The following CTSZ variants were observed in gnomAD, a reference collection of about 807,000 sequenced individuals.
CTSZ encodes the protein carboxypeptidase LB.
In CTSZ, 39 loss-of-function variants were observed where a neutral mutation model predicts 32.4. That is an observed-to-expected ratio of 1.20 (90% CI 0.93 to 1.57). The LOEUF is 1.57. Ranked by LOEUF, CTSZ falls within the 40% of genes most tolerant of loss-of-function variation. The pLI is 0.00. For missense variants in CTSZ, 397 were observed against 419.6 expected (o/e 0.95, Z 0.47); for synonymous variants, 168 against 170.1 (o/e 0.99, Z 0.10).
Position 58,997,716 on chromosome 20 carries a change from T to C in CTSZ, c.525A>G (p.Glu175=), listed in dbSNP as rs773422032. Residue 175 remains glutamate (E), a synonymous_variant, in exon 4 of 6, where the codon GAA becomes GAG. Coordinates refer to ENST00000217131, the MANE Select transcript of CTSZ (RefSeq NM_001336.4). The part of the protein sequence containing the change: ...DKFNQCGTCN[E]FKECHAIRNY... ...TCCGGATGGCGTGGCACTCTTTGAATTCATTGCATGTCCCACATTGGTTAA... is the reference window on the plus strand; with the variant it reads ...TCCGGATGGCGTGGCACTCTTTGAACTCATTGCATGTCCCACATTGGTTAA... 56 of 1,608,822 alleles carry C rather than the reference T, an allele frequency of 3.5e-5. No homozygotes were observed. The highest frequency in any genetic ancestry group is 4.8e-5 in the Non-Finnish European group (56 of 1,177,584).
intron 3 of CTSZ, among the ~76,000 whole-genome samples, chr20:58,998,483 T>G (rs2091871639): frequency 6.7e-6 from 1 of 148,284 alleles, no homozygotes; most frequent in African/African-American, 2.5e-5. Context: ...GAGGCAGAGG[T>G]TGCAGTGAGC....
rs937572836 is a variant in CTSZ at position 59,004,230 on chromosome 20, G to A, written c.307+2092C>T. The stretch of plus-strand genomic sequence containing the variant: ...CTGAGGCTGGAGGTGTCAGGTGACC[G>A]GGACAGCGGGCGAGTGGGCAGGTGG... On this transcript the variant is annotated intron_variant, in intron 2 of 5. Coordinates refer to ENST00000217131, the MANE Select transcript of CTSZ (RefSeq NM_001336.4). This position sits in a 1 kb window ranked among gnomAD's most constrained non-coding sequence, Gnocchi z 5.6. Among the ~76,000 whole-genome samples the A allele has an allele frequency of 2.6e-5, 4 of 152,020 alleles. No individual in the cohort carries two copies. Among genetic ancestry groups the A allele is most frequent in the Admixed American group, 1.3e-4 (2 of 15,270 alleles).
At chr20:59,005,027 C>T (rs533688019) in intron 2 of CTSZ, among the ~76,000 whole-genome samples, 5 of 152,220 alleles carry the variant, frequency 3.3e-5, no homozygotes, top group African/African-American at 4.8e-5. Context: ...CCCTCACCCT[C>T]ACCCCACCCT....
At chr20:59,006,059 T>C (rs1189082939) in intron 2 of CTSZ, 2 of 512,218 alleles carry the variant, frequency 3.9e-6, no homozygotes, top group East Asian at 6.2e-5. Context: ...GTCACAAGCT[T>C]TGGGGGAGAG....
At chr20:58,998,473 G>A (rs2091871554) in intron 3 of CTSZ, among the ~76,000 whole-genome samples, 1 of 151,726 alleles carries the variant, frequency 6.6e-6, no homozygotes, top group Non-Finnish European at 1.5e-5. Flanking sequence ...TTGAACCCGG[G>A]AGGCAGAGGT....
At position 59,007,031 on chromosome 20, in the gene CTSZ, C is replaced by G. The variant is rs1380677685; in HGVS notation, c.98G>C (p.Cys33Ser). The G allele has an allele frequency of 6.8e-7, 1 of 1,472,656 alleles. No homozygotes were observed. Among genetic ancestry groups the G allele is most frequent in the African/African-American group, 1.5e-5 (1 of 68,062 alleles). 91.2% of individuals were successfully genotyped at this position (1,472,656 alleles called of 1,614,324 possible). A position where few individuals can be genotyped will look rare whatever the true frequency, so the allele number is the denominator to read the frequency against. Residue 33 changes from cysteine (C) to serine (S), a missense_variant, in exon 1 of 6, where the codon TGC becomes TCC. Cys to Ser is a moderately radical substitution (Grantham distance 112). Coordinates refer to ENST00000217131, the MANE Select transcript of CTSZ (RefSeq NM_001336.4). Reference protein sequence around the residue: ...GGLYFRRGQTCYRPLRGDGLA... With the variant: ...GGLYFRRGQTSYRPLRGDGLA... The stretch of plus-strand genomic sequence containing the variant: ...CCCGTCCCCCCGCAGAGGCCGGTAG[C>G]AGGTCTGTCCCCGGCGGAAGTAGAG...
intron 2 of CTSZ, 53 bp from the exon 3 acceptor site, chr20:59,001,697 C>A: frequency 6.4e-7 from 1 of 1,574,078 alleles, no homozygotes; most frequent in Non-Finnish European, 8.7e-7. Context: ...CACCCACTTC[C>A]CCGAACGGAC....
chr20:59,001,524 T>C lies in CTSZ; in HGVS notation c.428A>G (p.Tyr143Cys). The change falls in exon 3 of 6, where the codon TAC becomes TGC. Residue 143 changes from tyrosine (Y) to cysteine (C), a missense_variant. By Grantham distance (194) the Tyr-to-Cys change is radical. Transcript: ENST00000217131. ...EGGNDLSVWD[Y>C]AHQHGIPDET... ...GTCAGGGATGCCGTGCTGGTGGGCG[T>C]AGTCCCACACGGACAGGTCATTACC... The C allele has an allele frequency of 6.2e-7, 1 of 1,614,028 alleles. No homozygotes were observed.
At position 58,995,779 on chromosome 20, in the gene CTSZ, G is replaced by A. The variant is rs376895957; in HGVS notation, c.802-20C>T. ...CTCGCCCTGTGAGAAGTGGGATCGCGCGTCAGCCCATCTGCAGCCGTCTCC... is the reference window on the plus strand; with the variant it reads ...CTCGCCCTGTGAGAAGTGGGATCGCACGTCAGCCCATCTGCAGCCGTCTCC... On this transcript the variant is annotated intron_variant, in intron 5 of 5. Coordinates refer to ENST00000217131, the MANE Select transcript of CTSZ (RefSeq NM_001336.4). 11 of 1,608,068 alleles carry A rather than the reference G, an allele frequency of 6.8e-6. No homozygotes were observed. Among genetic ancestry groups the A allele is most frequent in the South Asian group, 1.1e-5 (1 of 90,962 alleles).
intron 4 of CTSZ, among the ~76,000 whole-genome samples, chr20:58,997,216 CAGGT>C (rs2091865343): frequency 6.6e-6 from 1 of 150,816 alleles, no homozygotes; most frequent in African/African-American, 2.4e-5. Flanking sequence ...AAACCCGACT[CAGGT>C]AGTGTATATC....
intron 2 of CTSZ, chr20:59,005,917 A>G (rs1379851316): frequency 1.1e-5 from 2 of 182,378 alleles, no homozygotes; most frequent in Non-Finnish European, 2.3e-5. Flanking sequence ...GCTGTAGCCA[A>G]CTAGCCTCAC....
chr20:58,999,715 T>C (rs750201350), intron 3 of CTSZ, among the ~76,000 whole-genome samples: 2 of 152,222 alleles, frequency 1.3e-5, no homozygotes, highest in Non-Finnish European at 2.9e-5. Context: ...AGCAAGCAGC[T>C]GCTGGGCTTT....
At chr20:59,006,899 C>T in intron 1 of CTSZ, 87 bp downstream of exon 1, 2 of 1,185,582 alleles carry the variant, frequency 1.7e-6, no homozygotes, top group Non-Finnish European at 2.2e-6. Context: ...CTGTTGGCGA[C>T]GCAGGGCCCC....
intron 4 of CTSZ, 53 bp downstream of exon 4, chr20:58,997,550 C>A: frequency 8.8e-6 from 13 of 1,478,930 alleles, no homozygotes; most frequent in Non-Finnish European, 1.2e-5. Context: ...TCCTCACCCG[C>A]GGGACCTTTC....
rs1320772935 is a variant in CTSZ, at chr20:58,996,759, T to C, written c.681A>G (p.Gly227=). ...TGTCCTGGTATTCGGCATAGATGCCTCCGGTGTAGTTAGCCAGTCTTTCTG... is the reference window on the plus strand; with the variant it reads ...TGTCCTGGTATTCGGCATAGATGCCCCCGGTGTAGTTAGCCAGTCTTTCTG... ...MATERLANYT[G]GIYAEYQDTT... is the part of the protein sequence containing the mutation. The change falls in exon 5 of 6, where the codon GGA becomes GGG. Residue 227 remains glycine (G), a synonymous_variant. Coordinates refer to ENST00000217131, the MANE Select transcript of CTSZ (RefSeq NM_001336.4). The C allele has an allele frequency of 6.2e-7, 1 of 1,614,194 alleles. No homozygotes were observed. The highest frequency in any genetic ancestry group is 8.5e-7 in the Non-Finnish European group (1 of 1,180,034).
chr20:58,998,093 C>A (rs2091869837), intron 3 of CTSZ, among the ~76,000 whole-genome samples: 1 of 152,062 alleles, frequency 6.6e-6, no homozygotes, highest in African/African-American at 2.4e-5. Flanking sequence ...AAATGATTAG[C>A]ACTTAATAAA....
chr20:58,997,673 C>T lies in CTSZ; in HGVS notation c.568G>A (p.Val190Met), dbSNP rs748454496. Reference sequence around the variant, plus strand: ...CCAGAGAGGGAGCCGTAGTCTCCCACCCTCCAGAGGGTGTAGTTCCGGATG... The same window carrying T: ...CCAGAGAGGGAGCCGTAGTCTCCCATCCTCCAGAGGGTGTAGTTCCGGATG... ...HAIRNYTLWR[V>M]GDYGSLSGRE... The change falls in exon 4 of 6, where the codon GTG becomes ATG. Residue 190 changes from valine (V) to methionine (M), a missense_variant. Physicochemically the swap from Val to Met is conservative, Grantham distance 21 (BLOSUM62 1). Coordinates refer to ENST00000217131, the MANE Select transcript of CTSZ (RefSeq NM_001336.4). 1.7e-5 allele frequency: 28 copies of T among 1,610,096 alleles called. No homozygotes were observed. Among genetic ancestry groups the T allele is most frequent in the Non-Finnish European group, 2.4e-5 (28 of 1,178,284 alleles).
intron 4 of CTSZ, chr20:58,997,397 G>A (rs1021062448): frequency 7.0e-6 from 3 of 430,582 alleles, no homozygotes; most frequent in Non-Finnish European, 1.2e-5. Flanking sequence ...AGTTCTTAGA[G>A]GGGAAATGAT....
intron 3 of CTSZ, among the ~76,000 whole-genome samples, chr20:58,998,631 G>A (rs940743536): frequency 2.6e-5 from 4 of 152,284 alleles, no homozygotes; most frequent in Admixed American, 6.5e-5. Flanking sequence ...GCCGAGGCAG[G>A]AAGATGGCTT....
Sources: allele counts gnomAD v4.1 joint callset (sites outside exome capture counted in the v4.1 genomes callset), GRCh38; gene constraint gnomAD v4.1.1; non-coding constraint Gnocchi (gnomAD v3.1); transcripts MANE v1.5; gene names NCBI Gene and HGNC (gene_info 2026-07-23, HGNC 2026-07-21).